Variants in CD244 observed in about 807,000 individuals in gnomAD.
CD244 encodes the protein CD244 molecule.
A neutral mutation model predicts 45.5 loss-of-function variants in CD244; 20 were observed. That is an observed-to-expected ratio of 0.44 (90% CI 0.31 to 0.64). The LOEUF is 0.64. Among genes scored for constraint, CD244 ranks in the 30% least tolerant of loss-of-function variants. The probability of loss-of-function intolerance (pLI) is 0.08; values close to 1 mark genes in which losing one functional copy is unlikely to be tolerated. For missense variants in CD244, 407 were observed against 426.9 expected, an observed-to-expected ratio of 0.95 and a Z score of 0.41; for synonymous variants, 185 against 160.5, an observed-to-expected ratio of 1.15 and a Z score of -1.15.
chr1:160,860,100 G>A (rs144915487), intron 1 of CD244, among the ~76,000 whole-genome samples: 2,657 of 152,150 alleles, frequency 0.017, 76 homozygotes, highest in African/African-American at 0.061. Context: ...CCAGCTACTC[G>A]GGAGGCTGAG....
Position 160,839,783 on chromosome 1 carries a change from A to G in CD244, c.656-734T>C, listed in dbSNP as rs182651990. On this transcript the variant is annotated intron_variant, in intron 3 of 8. Transcript: ENST00000368034. The stretch of plus-strand genomic sequence containing the variant: ...GATACTGAGGGACATGTAGCACAAC[A>G]AATGTTACATTTATCCATTCCTTTG... 7.2e-5 allele frequency among the ~76,000 whole-genome samples: 11 copies of G among 152,334 alleles called. 1 individual carries two copies. In the East Asian group the frequency reaches 2.1e-3, roughly 29 times the overall value.
intron 7 of CD244, 72 bp downstream of exon 7, chr1:160,833,979 C>A: frequency 1.8e-6 from 2 of 1,083,106 alleles, no homozygotes; most frequent in South Asian, 1.3e-5. Flanking sequence ...CACACACACT[C>A]TCACTGCAAA....
Position 160,844,764 on chromosome 1 carries a change from C to T in CD244, c.62-2863G>A, listed in dbSNP as rs117964613. 2.4e-4 allele frequency among the ~76,000 whole-genome samples: 37 copies of T among 152,268 alleles called. No homozygotes were observed. In the East Asian group the frequency reaches 6.4e-3, roughly 26 times the overall value. The stretch of plus-strand genomic sequence containing the variant: ...CCAAGGCCGGCAGATCACTCAAGGT[C>T]GGGAGTTCGAGACCACCCTGGCCAA... On this transcript the variant is annotated intron_variant, in intron 1 of 8. Transcript: ENST00000368034.
chr1:160,849,607 A>G (rs1331647738), intron 1 of CD244, among the ~76,000 whole-genome samples: 3 of 152,184 alleles, frequency 2.0e-5, no homozygotes, highest in East Asian at 3.8e-4. Context: ...AGCTTCATCC[A>G]TGTCCCTGCA....
intron 1 of CD244, chr1:160,848,398 C>A: frequency 3.6e-6 from 2 of 559,086 alleles, no homozygotes. Flanking sequence ...TGGTATTTGG[C>A]AAGTTGAAAG....
At chr1:160,851,283 C>T (rs146955055) in intron 1 of CD244, among the ~76,000 whole-genome samples, 1 of 152,310 alleles carries the variant, frequency 6.6e-6, no homozygotes, top group African/African-American at 2.4e-5. Flanking sequence ...TTCTGGTGAC[C>T]GGCCCCTATC....
At position 160,862,779 on chromosome 1, in the gene CD244, A is replaced by G; in HGVS notation, c.-102T>C. 2.0e-6 allele frequency: 2 copies of G among 1,006,358 alleles called. No individual in the cohort carries two copies. The highest frequency in any genetic ancestry group is 3.0e-6 in the Non-Finnish European group (2 of 666,902). The allele number at this position is 1,006,358 out of a possible 1,614,324, so 62.3% of individuals were successfully genotyped here. A position where few individuals can be genotyped will look rare whatever the true frequency, so the allele number is the denominator to read the frequency against. On this transcript the variant is annotated 5_prime_UTR_variant, in exon 1 of 9. Coordinates refer to ENST00000368034, the MANE Select transcript of CD244 (RefSeq NM_016382.4). ...AGTCAGCAAGAGGACGATGGGGAGCAGAACTGCCTTGCAACCTGTCCAGCC... is the reference window on the plus strand; with the variant it reads ...AGTCAGCAAGAGGACGATGGGGAGCGGAACTGCCTTGCAACCTGTCCAGCC...
chr1:160,846,615 A>G (rs1281265744), intron 1 of CD244, among the ~76,000 whole-genome samples: 1 of 152,054 alleles, frequency 6.6e-6, no homozygotes, highest in Non-Finnish European at 1.5e-5. Flanking sequence ...GCAGCGAGCC[A>G]AGATGGTGCC....
In CD244 at chr1:160,838,975, A is replaced by G; in HGVS notation, c.730T>C (p.Cys244Arg). Residue 244 changes from cysteine to arginine, a missense_variant, in exon 4 of 9, where the codon TGT (cysteine) becomes CGT (arginine). Transcript: ENST00000368034. ...TCCTTCCTCTTTCTCCTCCACACAC[A>G]GAAGCAGGCAAGGGTGCCAAGGAAC... is the stretch of plus-strand genomic sequence containing the variant. The part of the protein sequence containing the change: ...ALFLGTLACF[C>R]VWRRKRKEKQ... The G allele has an allele frequency of 6.2e-7, 1 of 1,614,100 alleles. No individual in the cohort carries two copies. Among genetic ancestry groups the G allele is most frequent in the Non-Finnish European group, 8.5e-7 (1 of 1,179,970 alleles).
At chr1:160,851,480 A>G (rs1042250303) in intron 1 of CD244, among the ~76,000 whole-genome samples, 7 of 152,194 alleles carry the variant, frequency 4.6e-5, no homozygotes, top group Admixed American at 4.6e-4. Flanking sequence ...GCTTGGTCAA[A>G]TTGATATCTA....
At chr1:160,854,812 A>G (rs1670050306) in intron 1 of CD244, among the ~76,000 whole-genome samples, 1 of 152,218 alleles carries the variant, frequency 6.6e-6, no homozygotes, top group South Asian at 2.1e-4. Context: ...TAGTTTATAC[A>G]TTTAAGACTG....
At chr1:160,833,126 T>G (rs942001873) in intron 7 of CD244, among the ~76,000 whole-genome samples, 3 of 151,996 alleles carry the variant, frequency 2.0e-5, no homozygotes, top group African/African-American at 7.2e-5. Flanking sequence ...CAGAGGCACA[T>G]TCAGTAGCAT....
intron 1 of CD244, among the ~76,000 whole-genome samples, chr1:160,853,875 G>A (rs1670011860): frequency 6.6e-6 from 1 of 151,732 alleles, no homozygotes; most frequent in Admixed American, 6.6e-5. Context: ...ATGGAGGTGT[G>A]CCCAGGGTGT....
chr1:160,845,345 A>G (rs1343501614), intron 1 of CD244, among the ~76,000 whole-genome samples: 1 of 152,240 alleles, frequency 6.6e-6, no homozygotes, highest in Non-Finnish European at 1.5e-5. Context: ...AGTAAAGAAA[A>G]ACAAAAGGAT....
chr1:160,836,379 T>G (rs976852201), intron 5 of CD244, 125 bp from the exon 6 acceptor site: 4 of 729,100 alleles, frequency 5.5e-6, no homozygotes, highest in Non-Finnish European at 9.8e-6. Flanking sequence ...GTGGCAGGAC[T>G]GGGGAGAGTC....
chr1:160,836,567 G>T (rs1431930173), intron 5 of CD244, among the ~76,000 whole-genome samples: 1 of 152,142 alleles, frequency 6.6e-6, no homozygotes, highest in Middle Eastern at 3.2e-3. Flanking sequence ...GCTCTGAGTA[G>T]GGCTGTTATC....
rs957153336 is a variant in CD244, at chr1:160,835,373, G to A, written c.894+822C>T. Among the ~76,000 whole-genome samples, 12 of 152,062 alleles carry A rather than the reference G, an allele frequency of 7.9e-5. No homozygotes were observed. In the East Asian group the frequency reaches 1.7e-3, roughly 22 times the overall value. On this transcript the variant is annotated intron_variant, in intron 6 of 8. Transcript: ENST00000368034. ...TGAGATATCAGTTGACCTGAGTCTC[G>A]GTTTCCTCATTGTGATATGGAATGT...
At position 160,841,670 on chromosome 1, in the gene CD244, T is replaced by C. The variant is rs758422322; in HGVS notation, c.293A>G (p.Gln98Arg). The C allele has an allele frequency of 2.5e-6, 4 of 1,613,718 alleles. No homozygotes were observed. Among genetic ancestry groups the C allele is most frequent in the Non-Finnish European group, 3.4e-6 (4 of 1,179,566 alleles). The change falls in exon 2 of 9, where the codon CAG (glutamine) becomes CGG (arginine). Residue 98 changes from glutamine to arginine, a missense_variant. Coordinates refer to ENST00000368034, the MANE Select transcript of CD244 (RefSeq NM_016382.4). ...GCAGTAGAGGCCACTGTCCTGCTGC[T>C]GAGCTGCCTTGATGAGAAGACTCAA... ...KNLSLLIKAA[Q>R]QQDSGLYCLE...
At position 160,860,952 on chromosome 1, in the gene CD244, T is replaced by C. The variant is rs550817650; in HGVS notation, c.61+1665A>G. Among the ~76,000 whole-genome samples the C allele has an allele frequency of 2.5e-4, 38 of 152,250 alleles. 1 individual carries two copies. The South Asian group carries it at 5.0e-3, about 20-fold the overall frequency. ...GTGCCTAACAAGTCACTCACCAGCT[T>C]CACCGTGCAAGGGCCGGCATAGCCA... On this transcript the variant is annotated intron_variant, in intron 1 of 8. Coordinates refer to ENST00000368034, the MANE Select transcript of CD244 (RefSeq NM_016382.4).
Sources: gnomAD v4.1 joint callset for allele counts (sites outside exome capture counted in the v4.1 genomes callset) on GRCh38, gnomAD v4.1.1 for gene constraint, MANE v1.5 for transcripts, NCBI Gene and HGNC (gene_info 2026-07-23, HGNC 2026-07-21) for gene names.